Variants in RBFOX3 observed in about 807,000 individuals in gnomAD.
RBFOX3 encodes RNA binding fox-1 homolog 3.
A neutral mutation model predicts 48.7 loss-of-function variants in RBFOX3; 17 were observed. The ratio of observed to expected loss-of-function variants is 0.35; its 90% CI spans 0.24 to 0.52. The LOEUF (loss-of-function observed/expected upper bound fraction) is 0.52. Ranked by LOEUF, RBFOX3 falls within the 20% of genes least tolerant of loss-of-function variation. The pLI, the probability that RBFOX3 is intolerant of heterozygous loss-of-function variation, is 0.94. For missense variants in RBFOX3, 382 were observed against 497.5 expected (o/e 0.77, Z 2.21); for synonymous variants, 212 against 209.5 (o/e 1.01, Z -0.10).
chr17:79,359,511 G>A (rs1473019679), intron 2 of RBFOX3, among the ~76,000 whole-genome samples: 1 of 152,110 alleles, frequency 6.6e-6, no homozygotes, highest in Non-Finnish European at 1.5e-5. Context: ...GGAAGGGCAC[G>A]GCACCTGCCT....
At chr17:79,437,337 C>T (rs2148956519) in intron 2 of RBFOX3, among the ~76,000 whole-genome samples, 1 of 152,336 alleles carries the variant, frequency 6.6e-6, no homozygotes, top group East Asian at 1.9e-4. Flanking sequence ...GGTCCCCCTG[C>T]CCACCCGCTC....
intron 1 of RBFOX3, among the ~76,000 whole-genome samples, chr17:79,516,861 C>A (rs987481541): frequency 6.6e-6 from 1 of 152,174 alleles, no homozygotes; most frequent in South Asian, 2.1e-4. Flanking sequence ...GAAAACGTGA[C>A]GCCGAGACAA....
chr17:79,255,359 C>T (rs74819401), intron 3 of RBFOX3, among the ~76,000 whole-genome samples: 36 of 151,904 alleles, frequency 2.4e-4, no homozygotes, highest in Middle Eastern at 3.4e-3. Context: ...TCAGTGACAC[C>T]GTTGAGAGAC....
chr17:79,568,960 G>T (rs2092567498), intron 1 of RBFOX3, among the ~76,000 whole-genome samples: 1 of 151,924 alleles, frequency 6.6e-6, no homozygotes, highest in Non-Finnish European at 1.5e-5. Context: ...CTCCCCACTA[G>T]ATGCTTAGGT....
intron 2 of RBFOX3, among the ~76,000 whole-genome samples, chr17:79,444,877 C>T (rs1470167361): frequency 6.6e-6 from 1 of 152,066 alleles, no homozygotes; most frequent in Non-Finnish European, 1.5e-5. Context: ...ACAACTCAAT[C>T]TAATTCTAGA....
chr17:79,208,038 G>T (rs2057765270), intron 4 of RBFOX3, among the ~76,000 whole-genome samples: 1 of 152,130 alleles, frequency 6.6e-6, no homozygotes, highest in Admixed American at 6.5e-5. Context: ...AGCTCTTGGT[G>T]TCTCCCTCCC....
At chr17:79,512,266 T>C (rs1470016814) in intron 1 of RBFOX3, among the ~76,000 whole-genome samples, 16 of 107,022 alleles carry the variant, frequency 1.5e-4, no homozygotes, top group African/African-American at 5.4e-4. Context: ...CCAGGGGATA[T>C]ACACCCGGAT....
At chr17:79,259,854 C>T (rs12937212) in intron 3 of RBFOX3, among the ~76,000 whole-genome samples, 18,975 of 152,160 alleles carry the variant, frequency 0.12, 1,423 homozygotes, top group East Asian at 0.32. Context: ...TCTCTCTCCT[C>T]CCTGAAGAGG....
intron 4 of RBFOX3, among the ~76,000 whole-genome samples, chr17:79,160,196 G>A (rs1029254868): frequency 1.3e-5 from 2 of 152,208 alleles, no homozygotes; most frequent in Admixed American, 6.5e-5. Flanking sequence ...AAATCCATGT[G>A]TGATTCATGA....
chr17:79,292,565 T>C (rs1457582838), intron 3 of RBFOX3, among the ~76,000 whole-genome samples: 1 of 138,458 alleles, frequency 7.2e-6, no homozygotes. Flanking sequence ...GTTGGCACTG[T>C]ACACACACAC....
chr17:79,262,179 T>C (rs2065896405), intron 3 of RBFOX3, among the ~76,000 whole-genome samples: 1 of 152,258 alleles, frequency 6.6e-6, no homozygotes, highest in Non-Finnish European at 1.5e-5. Flanking sequence ...ACACACAATG[T>C]GGCTAAGCGG....
At chr17:79,370,811 C>T (rs2058435674) in intron 2 of RBFOX3, among the ~76,000 whole-genome samples, 1 of 152,178 alleles carries the variant, frequency 6.6e-6, no homozygotes, top group Admixed American at 6.5e-5. Flanking sequence ...GTCACACTCA[C>T]TCACACACAA....
intron 3 of RBFOX3, among the ~76,000 whole-genome samples, chr17:79,244,474 G>A (rs1046581345): frequency 1.3e-5 from 2 of 151,690 alleles, no homozygotes; most frequent in Non-Finnish European, 2.9e-5. Context: ...CCACAGGAGA[G>A]TAACCCACCC....
intron 4 of RBFOX3, among the ~76,000 whole-genome samples, chr17:79,162,871 G>T (rs1404327773): frequency 2.0e-5 from 3 of 152,206 alleles, no homozygotes; most frequent in African/African-American, 7.2e-5. Context: ...AATGGAAAAA[G>T]CCAGTGGCAC....
chr17:79,430,000 AG>A (rs1323504493), intron 2 of RBFOX3, among the ~76,000 whole-genome samples: 4 of 152,128 alleles, frequency 2.6e-5, no homozygotes, highest in Non-Finnish European at 5.9e-5. Flanking sequence ...AGCACATCAG[AG>A]TCCAGGCAGG....
chr17:79,618,508 C>T, the RBFOX3 span, among the ~76,000 whole-genome samples: 27 of 152,156 alleles, frequency 1.8e-4, no homozygotes, highest in African/African-American at 5.8e-4. Flanking sequence ...GAAGGAGGGC[C>T]GTGCTCAGCT....
At chr17:79,519,147 TA>T (rs1194451966) in intron 1 of RBFOX3, among the ~76,000 whole-genome samples, 4 of 152,190 alleles carry the variant, frequency 2.6e-5, no homozygotes, top group African/African-American at 7.2e-5. Context: ...GAACTCAGCA[TA>T]AAAATCGGAA....
intron 3 of RBFOX3, among the ~76,000 whole-genome samples, chr17:79,268,177 G>A (rs1433604820): frequency 6.6e-6 from 1 of 152,152 alleles, no homozygotes; most frequent in African/African-American, 2.4e-5. Flanking sequence ...GCGAGTCTGC[G>A]AGGGTGTCCC....
At chr17:79,132,299 A>G (rs2039114837) in intron 4 of RBFOX3, among the ~76,000 whole-genome samples, 1 of 151,954 alleles carries the variant, frequency 6.6e-6, no homozygotes, top group Non-Finnish European at 1.5e-5. Context: ...CAGAGGGCGT[A>G]CGTAGAAGAG....
Sources: allele counts gnomAD v4.1 joint callset (sites outside exome capture counted in the v4.1 genomes callset), GRCh38; gene constraint gnomAD v4.1.1; transcripts MANE v1.5; gene names NCBI Gene and HGNC (gene_info 2026-07-23, HGNC 2026-07-21).